KNOP1: variants seen among roughly 807,000 people sequenced by gnomAD.
KNOP1 encodes lysine rich nucleolar protein 1, also known as lysine-rich nucleolar protein 1.
KNOP1 carries 20 observed loss-of-function variants against 30.6 expected under a neutral mutation model. The ratio of observed to expected loss-of-function variants is 0.65; its 90% confidence interval spans 0.46 to 0.95. The LOEUF is 0.95. KNOP1 is among the 40% of genes least tolerant of loss of function. The pLI is 0.00. For missense variants in KNOP1, 540 were observed against 562.0 expected (o/e 0.96, Z 0.40); for synonymous variants, 204 against 210.0 (o/e 0.97, Z 0.25).
At chr16:19,713,615 C>T (rs563869862) in intron 2 of KNOP1, among the ~76,000 whole-genome samples, 2 of 152,132 alleles carry the variant, frequency 1.3e-5, no homozygotes, top group Non-Finnish European at 2.9e-5. Context: ...AAATACAAAG[C>T]CCAGAGCTGA....
intron 4 of KNOP1, among the ~76,000 whole-genome samples, chr16:19,708,810 A>G (rs1976555509): frequency 6.6e-6 from 1 of 152,110 alleles, no homozygotes; most frequent in Non-Finnish European, 1.5e-5. Flanking sequence ...CAGTTTCTAG[A>G]GTGAGAGGCC....
At chr16:19,708,479 G>A (rs1976537191) in intron 4 of KNOP1, among the ~76,000 whole-genome samples, 1 of 152,018 alleles carries the variant, frequency 6.6e-6, no homozygotes, top group Non-Finnish European at 1.5e-5. Flanking sequence ...TCTAAGGTGG[G>A]GTGATAACAT....
Position 19,702,997 on chromosome 16 carries a change from CA to C in KNOP1, c.*3912del, listed in dbSNP as rs759526682. The C allele has an allele frequency of 9.3e-3, 1,086 of 116,884 alleles. 7 individuals are homozygous for C. The highest frequency in any genetic ancestry group is 0.015 in the Non-Finnish European group (812 of 55,818). 7.2% of individuals were successfully genotyped at this position (116,884 alleles called of 1,614,324 possible). On this transcript the variant is annotated 3_prime_UTR_variant, in exon 5 of 5. Coordinates refer to ENST00000219837, the MANE Select transcript of KNOP1 (RefSeq NM_001012991.3). ...GCGTGGAGTGAGAGTGAGACTGTCT[CA>C]AAAAAAAAAAAAGAAAGAAAAACAA... is the stretch of plus-strand genomic sequence containing the variant.
rs559067897 is a variant in KNOP1 at position 19,714,259 on chromosome 16, A to C, written c.777T>G (p.Ser259Arg). The C allele has an allele frequency of 1.2e-6, 2 of 1,613,522 alleles. No individual in the cohort carries two copies. The highest frequency in any genetic ancestry group is 1.7e-5 in the Admixed American group (1 of 59,960). Residue 259 changes from serine (S) to arginine (R), a missense_variant, in exon 2 of 5, where the codon AGT (serine) becomes AGG (arginine). Ser to Arg is a moderately radical substitution (Grantham distance 110). Coordinates refer to ENST00000219837, the MANE Select transcript of KNOP1 (RefSeq NM_001012991.3). ...TCTTTGCGGAGGCCTTAGGGTCATC[A>C]CTTATGGGGATGTATTCCGGAGCCT... ...KVEAPEYIPI[S>R]DDPKASAKKK...
In KNOP1 at chr16:19,706,613, TATG is replaced by T. The variant is rs1378026427; in HGVS notation, c.*294_*296del. The T allele has an allele frequency of 2.8e-6, 1 of 357,936 alleles. No homozygotes were observed. The highest frequency in any genetic ancestry group is 5.1e-6 in the Non-Finnish European group (1 of 196,848). 22.2% of individuals were successfully genotyped at this position (357,936 alleles called of 1,614,324 possible). A position where few individuals can be genotyped will look rare whatever the true frequency, so the allele number is the denominator to read the frequency against. ...TCACTCGTTCTCCTGGCTCCCGAAA[TATG>T]AGCTGCCCTGCCCCAGTTCATCCAA... On this transcript the variant is annotated 3_prime_UTR_variant, in exon 5 of 5. Transcript: ENST00000219837.
At position 19,706,724 on chromosome 16, in the gene KNOP1, A is replaced by C; in HGVS notation, c.*186T>G. Reference sequence around the variant, plus strand: ...CTGTCAGATGGCTTTCATTTGCACAACTGAATAAACCATTTATGCCTAGTG... The same window carrying C: ...CTGTCAGATGGCTTTCATTTGCACACCTGAATAAACCATTTATGCCTAGTG... On this transcript the variant is annotated 3_prime_UTR_variant, in exon 5 of 5. Transcript: ENST00000219837. 1 of 668,112 alleles carries C rather than the reference A, an allele frequency of 1.5e-6. No homozygotes were observed. The highest frequency in any genetic ancestry group is 2.6e-6 in the Non-Finnish European group (1 of 389,498). 41.4% of individuals were successfully genotyped at this position (668,112 alleles called of 1,614,324 possible). A position where few individuals can be genotyped will look rare whatever the true frequency, so the allele number is the denominator to read the frequency against.
intron 4 of KNOP1, among the ~76,000 whole-genome samples, chr16:19,709,855 T>G (rs1976617322): frequency 6.6e-6 from 1 of 152,146 alleles, no homozygotes; most frequent in Non-Finnish European, 1.5e-5. Context: ...GATCTTCCTT[T>G]CCTTGTTTGC....
rs1472304953 is a variant in KNOP1 at position 19,707,222 on chromosome 16, C to T, written c.1066-1G>A. On this transcript the variant is annotated splice_acceptor_variant, in intron 4 of 4. Coordinates refer to ENST00000219837, the MANE Select transcript of KNOP1 (RefSeq NM_001012991.3). LOFTEE classifies it high-confidence loss of function. ...TATCCCACTGGCCAAACTGGGTTCC[C>T]TGTGAGGAGAGGAAAAAGGTGGCTA... is the stretch of plus-strand genomic sequence containing the variant. The T allele has an allele frequency of 1.2e-6, 2 of 1,608,536 alleles. No individual in the cohort carries two copies. Among genetic ancestry groups the T allele is most frequent in the South Asian group, 2.2e-5 (2 of 90,280 alleles).
intron 4 of KNOP1, among the ~76,000 whole-genome samples, chr16:19,708,526 T>G (rs1440528372): frequency 6.6e-6 from 1 of 151,956 alleles, no homozygotes; most frequent in East Asian, 1.9e-4. Flanking sequence ...TACGTCAGAT[T>G]TGACACCAAA....
intron 1 of KNOP1, 121 bp downstream of exon 1, chr16:19,718,037 G>A (rs758905627): frequency 5.0e-5 from 69 of 1,392,280 alleles, no homozygotes; most frequent in Non-Finnish European, 6.2e-5. Context: ...CACACCGACT[G>A]GAGGGGTCGG....
chr16:19,706,894 G>A lies in KNOP1; in HGVS notation c.*16C>T. On this transcript the variant is annotated 3_prime_UTR_variant, in exon 5 of 5. Transcript: ENST00000219837. Reference sequence around the variant, plus strand: ...AAAGCAATTGTGGCAGTTTTGGGGGGACAAAACTCTAGAGTTTAATCTTCC... The same window carrying A: ...AAAGCAATTGTGGCAGTTTTGGGGGAACAAAACTCTAGAGTTTAATCTTCC... 1.2e-6 allele frequency: 2 copies of A among 1,609,134 alleles called. No individual in the cohort carries two copies. The highest frequency in any genetic ancestry group is 2.2e-5 in the South Asian group (2 of 90,276).
intron 1 of KNOP1, chr16:19,715,464 G>A (rs1255463055): frequency 1.3e-5 from 2 of 149,022 alleles, no homozygotes; most frequent in African/African-American, 5.0e-5. Context: ...ACCCAAGCTG[G>A]AATGCAGTGG....
In KNOP1 at chr16:19,703,942, C is replaced by T. The variant is rs1420674953; in HGVS notation, c.*2968G>A. On this transcript the variant is annotated 3_prime_UTR_variant, in exon 5 of 5. Transcript: ENST00000219837. The stretch of plus-strand genomic sequence containing the variant: ...CAGTGGTGATGTTGAGTTAGAAAGT[C>T]ACAGCCTATTACAGACAGAATTTAC... 1 of 152,204 alleles carries T rather than the reference C, an allele frequency of 6.6e-6. No homozygotes were observed. The highest frequency in any genetic ancestry group is 1.9e-4 in the East Asian group (1 of 5,182). 9.4% of individuals were successfully genotyped at this position (152,204 alleles called of 1,614,324 possible).
chr16:19,706,748 T>A lies in KNOP1; in HGVS notation c.*162A>T. On this transcript the variant is annotated 3_prime_UTR_variant, in exon 5 of 5. Coordinates refer to ENST00000219837, the MANE Select transcript of KNOP1 (RefSeq NM_001012991.3). ...AACTGAATAAACCATTTATGCCTAG[T>A]GTTCCATTACTGGAACGCTAAGCTT... 1.4e-6 allele frequency: 1 copy of A among 729,272 alleles called. No individual in the cohort carries two copies. Among genetic ancestry groups the A allele is most frequent in the Non-Finnish European group, 2.3e-6 (1 of 432,584 alleles). 45.2% of individuals were successfully genotyped at this position (729,272 alleles called of 1,614,324 possible).
intron 2 of KNOP1, among the ~76,000 whole-genome samples, 199 bp from the exon 3 acceptor site, chr16:19,711,639 A>G (rs1976728291): frequency 6.6e-6 from 1 of 152,146 alleles, no homozygotes. Context: ...CCCGCAAAAC[A>G]GTAGTACTAA....
intron 2 of KNOP1, among the ~76,000 whole-genome samples, chr16:19,713,411 G>C (rs1976819538): frequency 6.6e-6 from 1 of 152,160 alleles, no homozygotes; most frequent in Non-Finnish European, 1.5e-5. Context: ...TTTTAGATTA[G>C]AGCTTCTGGA....
chr16:19,707,958 C>T (rs1475165064), intron 4 of KNOP1, among the ~76,000 whole-genome samples: 3 of 108,288 alleles, frequency 2.8e-5, no homozygotes, highest in Non-Finnish European at 5.8e-5. Flanking sequence ...ATACAGCGCA[C>T]CTCCCCCCAC....
chr16:19,711,160 T>C (rs1045022266), intron 3 of KNOP1, among the ~76,000 whole-genome samples: 2 of 152,224 alleles, frequency 1.3e-5, no homozygotes, highest in African/African-American at 4.8e-5. Flanking sequence ...CTCTCGGCCA[T>C]GGCCACGGCA....
At chr16:19,718,118 A>C (rs1384056237) in intron 1 of KNOP1, 40 bp downstream of exon 1, 5 of 1,443,980 alleles carry the variant, frequency 3.5e-6, no homozygotes, top group Non-Finnish European at 4.5e-6. Flanking sequence ...CAATCTCCAC[A>C]CCCCGCGCCG....
Sources: gnomAD v4.1 joint callset for allele counts (sites outside exome capture counted in the v4.1 genomes callset) on GRCh38, gnomAD v4.1.1 for gene constraint, MANE v1.5 for transcripts, NCBI Gene and HGNC (gene_info 2026-07-23, HGNC 2026-07-21) for gene names.